Variants in SMC2 observed in about 807,000 individuals in gnomAD.
The protein encoded by SMC2 is structural maintenance of chromosomes protein 2.
A neutral mutation model predicts 142.6 loss-of-function variants in SMC2; 41 were observed. That is an observed-to-expected ratio of 0.29 (90% CI 0.22 to 0.37). The LOEUF is 0.37. Ranked by LOEUF, SMC2 falls within the 10% of genes least tolerant of loss-of-function variation. The probability of loss-of-function intolerance (pLI) is 1.00; values close to 1 mark genes in which losing one functional copy is unlikely to be tolerated. For missense variants in SMC2, 1,265 were observed against 1,373.7 expected (o/e 0.92, Z 1.25); for synonymous variants, 463 against 457.5 (o/e 1.01, Z -0.15).
chr9:104,136,296 C>G (rs41309334), intron 23 of SMC2, among the ~76,000 whole-genome samples: 8,619 of 151,718 alleles, frequency 0.057, 659 homozygotes, highest in African/African-American at 0.18. Flanking sequence ...CCTTATGACC[C>G]CCTTTATCAT....
intron 10 of SMC2, among the ~76,000 whole-genome samples, chr9:104,112,459 T>C (rs1832574022): frequency 6.6e-6 from 1 of 152,222 alleles, no homozygotes; most frequent in African/African-American, 2.4e-5. Flanking sequence ...ATCATTGTTT[T>C]GTTTTTAATG....
chr9:104,112,215 T>G (rs1832538617), intron 10 of SMC2, among the ~76,000 whole-genome samples: 1 of 152,204 alleles, frequency 6.6e-6, no homozygotes, highest in Non-Finnish European at 1.5e-5. Context: ...CCCCATTGCT[T>G]TGCCTGCCAT....
intron 14 of SMC2, 31 bp downstream of exon 14, chr9:104,116,350 T>A (rs770406765): frequency 4.5e-5 from 71 of 1,569,852 alleles, no homozygotes; most frequent in Non-Finnish European, 5.6e-5. Flanking sequence ...TTTATATGTT[T>A]AATCGTCATC....
chr9:104,089,970 A>G (rs1829965709), upstream of SMC2, among the ~76,000 whole-genome samples: 1 of 152,126 alleles, frequency 6.6e-6, no homozygotes, highest in Non-Finnish European at 1.5e-5. Flanking sequence ...AAGACCTAGT[A>G]CCAGACTTCT....
chr9:104,119,528 C>T (rs991803485), intron 15 of SMC2, among the ~76,000 whole-genome samples: 1 of 152,164 alleles, frequency 6.6e-6, no homozygotes, highest in Non-Finnish European at 1.5e-5. Context: ...AAATTTATTC[C>T]ATGTTTATGC....
rs1833575422 is a variant in SMC2, at chr9:104,120,226, C to T, written c.2132+64C>T. On this transcript the variant is annotated intron_variant, in intron 16 of 24. Transcript: ENST00000374793. ...ATAGTAGAAAATGATAGAAAATTTACTTTTATTTCAAGAAATACAGCTTCT... is the reference window on the plus strand; with the variant it reads ...ATAGTAGAAAATGATAGAAAATTTATTTTTATTTCAAGAAATACAGCTTCT... 10 of 1,404,762 alleles carry T rather than the reference C, an allele frequency of 7.1e-6. No homozygotes were observed. The South Asian group carries it at 1.1e-4, about 16-fold the overall frequency. 87.0% of individuals were successfully genotyped at this position (1,404,762 alleles called of 1,614,324 possible). A position where few individuals can be genotyped will look rare whatever the true frequency, so the allele number is the denominator to read the frequency against.
intron 15 of SMC2, 122 bp downstream of exon 15, chr9:104,118,497 T>C (rs546387787): frequency 1.3e-6 from 1 of 773,400 alleles, no homozygotes; most frequent in Non-Finnish European, 2.0e-6. Flanking sequence ...CTCATTTGTG[T>C]GTTTGCCAGT....
intron 24 of SMC2, among the ~76,000 whole-genome samples, chr9:104,138,411 T>C (rs1835780449): frequency 6.6e-6 from 1 of 152,140 alleles, no homozygotes; most frequent in Non-Finnish European, 1.5e-5. Flanking sequence ...AATTTAGTCA[T>C]AATACAGAAT....
intron 9 of SMC2, among the ~76,000 whole-genome samples, chr9:104,110,352 CAATA>C (rs1255609444): frequency 2.6e-5 from 4 of 152,140 alleles, no homozygotes; most frequent in Non-Finnish European, 5.9e-5. Context: ...CTTATCGCAT[CAATA>C]AATACACTAC....
intron 9 of SMC2, among the ~76,000 whole-genome samples, chr9:104,105,546 A>C (rs1010930083): frequency 2.0e-5 from 3 of 152,162 alleles, no homozygotes; most frequent in Non-Finnish European, 2.9e-5. Context: ...AAAACTGTTC[A>C]TGAAGCTCCT....
At chr9:104,132,960 TATTC>T (rs1835147306) in intron 22 of SMC2, among the ~76,000 whole-genome samples, 1 of 152,090 alleles carries the variant, frequency 6.6e-6, no homozygotes, top group South Asian at 2.1e-4. Context: ...CAGTAACATT[TATTC>T]AGTGCTTATT....
At chr9:104,117,069 T>C (rs1379187789) in intron 14 of SMC2, among the ~76,000 whole-genome samples, 2 of 152,312 alleles carry the variant, frequency 1.3e-5, no homozygotes, top group African/African-American at 4.8e-5. Context: ...AAGATTTCAA[T>C]GCAAATGATT....
intron 16 of SMC2, among the ~76,000 whole-genome samples, chr9:104,120,829 G>A (rs1449709480): frequency 5.3e-5 from 8 of 152,112 alleles, no homozygotes; most frequent in Non-Finnish European, 8.8e-5. Context: ...CATTTATTGA[G>A]TGCCTCCTGT....
At chr9:104,089,442 CA>C (rs1829961167), upstream of SMC2, among the ~76,000 whole-genome samples, 4 of 151,866 alleles carry the variant, frequency 2.6e-5, no homozygotes, top group South Asian at 8.3e-4. Flanking sequence ...ACCACCATGC[CA>C]AGGAGAACTA....
Position 104,124,939 on chromosome 9 carries a change from C to T in SMC2, c.2285C>T (p.Thr762Ile). Residue 762 changes from threonine (T) to isoleucine (I), a missense_variant, in exon 18 of 25, where the codon ACT (threonine) becomes ATT (isoleucine). By Grantham distance (89) the Thr-to-Ile change is moderately conservative. Transcript: ENST00000374793. ...GAAAGTGAGGAGACTTTGAAAAACA[C>T]TAAAGAAATCCAAAGAAAAGCAGAA... ...IEESEETLKN[T>I]KEIQRKAEEK... 3 of 1,592,366 alleles carry T rather than the reference C, an allele frequency of 1.9e-6. No individual in the cohort carries two copies. The highest frequency in any genetic ancestry group is 8.5e-7 in the Non-Finnish European group (1 of 1,174,668).
Position 104,120,073 on chromosome 9 carries a change from C to CA in SMC2, c.2046dup (p.Asp683ArgfsTer5). On this transcript the variant is annotated frameshift_variant, in exon 16 of 25. Coordinates refer to ENST00000374793, the MANE Select transcript of SMC2 (RefSeq NM_006444.3). LOFTEE classifies it high-confidence loss of function. ...CCATTTTAACCAAGTTTCAAGAACT[C>CA]AAAGATGTTCAGGATGAACTGAGAA... 6.2e-7 allele frequency: 1 copy of CA among 1,613,882 alleles called. No individual in the cohort carries two copies. The highest frequency in any genetic ancestry group is 8.5e-7 in the Non-Finnish European group (1 of 1,179,912).
intron 9 of SMC2, among the ~76,000 whole-genome samples, chr9:104,109,235 C>A (rs1295278648): frequency 2.6e-5 from 4 of 152,164 alleles, no homozygotes; most frequent in Non-Finnish European, 4.4e-5. Context: ...CCCAAACCCA[C>A]CTGAGTTACT....
At chr9:104,138,801 T>TGTGCTATA (rs2131585412) in intron 24 of SMC2, among the ~76,000 whole-genome samples, 1 of 152,262 alleles carries the variant, frequency 6.6e-6, no homozygotes, top group African/African-American at 2.4e-5. Context: ...GGGCTAGTGG[T>TGTGCTATA]GTGCTATAGG....
chr9:104,115,873 C>T (rs2131412639), intron 13 of SMC2, among the ~76,000 whole-genome samples: 1 of 152,274 alleles, frequency 6.6e-6, no homozygotes, highest in Non-Finnish European at 1.5e-5. Flanking sequence ...TTTCACTCCT[C>T]ATCCCTGATA....
Sources: allele counts gnomAD v4.1 joint callset (sites outside exome capture counted in the v4.1 genomes callset), GRCh38; gene constraint gnomAD v4.1.1; transcripts MANE v1.5; gene names NCBI Gene and HGNC (gene_info 2026-07-23, HGNC 2026-07-21).